Variants in DCT observed in about 807,000 individuals in gnomAD.
DCT encodes dopachrome tautomerase, also known as L-dopachrome tautomerase.
In DCT, 47 loss-of-function variants were observed where a neutral mutation model predicts 53.0. The observed-to-expected ratio is 0.89, with a 90% CI of 0.70 to 1.13. DCT has a LOEUF of 1.13. Among genes scored for constraint, DCT ranks in the 50% most tolerant of loss-of-function variants. The probability of loss-of-function intolerance (pLI) is 0.00; values close to 1 mark genes in which losing one functional copy is unlikely to be tolerated. For synonymous variants in DCT, 244 were observed against 237.0 expected, an observed-to-expected ratio of 1.03 and a Z score of -0.27; for missense variants, 669 against 637.4, an observed-to-expected ratio of 1.05 and a Z score of -0.53.
the DCT span, among the ~76,000 whole-genome samples, chr13:94,515,909 C>A: frequency 6.6e-6 from 1 of 152,242 alleles, no homozygotes; most frequent in Non-Finnish European, 1.5e-5. Flanking sequence ...ACTAGAAGGA[C>A]AGATTTGAAA....
the DCT span, among the ~76,000 whole-genome samples, chr13:94,526,645 G>A: frequency 3.3e-5 from 5 of 152,088 alleles, no homozygotes; most frequent in Non-Finnish European, 7.4e-5. Flanking sequence ...TAAATAAATA[G>A]GGGTGATTCC....
the DCT span, among the ~76,000 whole-genome samples, chr13:94,498,523 C>T: frequency 3.3e-5 from 5 of 152,182 alleles, no homozygotes; most frequent in Non-Finnish European, 7.3e-5. Context: ...CCTCTATAAA[C>T]CAGGAAGAGG....
the DCT span, among the ~76,000 whole-genome samples, chr13:94,537,561 T>C: frequency 6.6e-6 from 1 of 152,226 alleles, no homozygotes; most frequent in Admixed American, 6.5e-5. Context: ...TACAGCTTCC[T>C]GCTCTCCTGT....
the DCT span, among the ~76,000 whole-genome samples, chr13:94,497,679 C>T: frequency 6.6e-6 from 1 of 152,112 alleles, no homozygotes; most frequent in South Asian, 2.1e-4. Context: ...CTCATCTTTG[C>T]ATTGAGTAGG....
chr13:94,478,661 C>T (rs185872686), intron 1 of DCT, among the ~76,000 whole-genome samples: 12 of 152,354 alleles, frequency 7.9e-5, no homozygotes, highest in East Asian at 1.9e-4. Flanking sequence ...TCAAAGCTGA[C>T]GCTTTTAAGC....
the DCT span, among the ~76,000 whole-genome samples, chr13:94,496,487 C>T: frequency 6.6e-6 from 1 of 152,176 alleles, no homozygotes; most frequent in Non-Finnish European, 1.5e-5. Flanking sequence ...AGCCACCGCA[C>T]CCGGCCGGAT....
intron 1 of DCT, among the ~76,000 whole-genome samples, chr13:94,476,189 T>A: frequency 6.9e-6 from 1 of 143,910 alleles, no homozygotes; most frequent in South Asian, 2.2e-4. Flanking sequence ...TCTTTTTTTT[T>A]TTTTTTTTTT....
the DCT span, among the ~76,000 whole-genome samples, chr13:94,507,476 T>G: frequency 4.0e-5 from 6 of 151,468 alleles, no homozygotes; most frequent in African/African-American, 1.2e-4. Context: ...TGAACAACAG[T>G]TGGAGTTTGC....
In DCT at chr13:94,478,165, C is replaced by T. The variant is rs1464347390; in HGVS notation, c.295+796G>A. ...ATAACAACCCCCCGCCCGCCCCCCC[C>T]ACCCCCAGCTCCTCGAGAAAGCTCT... On this transcript the variant is annotated intron_variant, in intron 1 of 7. Transcript: ENST00000377028. Among the ~76,000 whole-genome samples, 55 of 138,238 alleles carry T rather than the reference C, an allele frequency of 4.0e-4. 1 individual carries two copies. Among genetic ancestry groups the T allele is most frequent in the South Asian group, 1.7e-3 (6 of 3,548 alleles). The allele number at this position is 138,238 out of a possible 152,430, so 90.7% of individuals were successfully genotyped here.
rs1473906482 is a variant in DCT, at chr13:94,452,843, G to A, written c.1179+7248C>T. On this transcript the variant is annotated intron_variant, in intron 6 of 7. Transcript: ENST00000377028. ...AAAGTGGGGGAAAGGCAAAGGGACA[G>A]AGGGGTCTATAATATGCTACCATGT... Among the ~76,000 whole-genome samples, 3 of 152,132 alleles carry A rather than the reference G, an allele frequency of 2.0e-5. No individual in the cohort carries two copies. In the South Asian group the frequency reaches 6.2e-4, roughly 31 times the overall value.
chr13:94,465,690 T>A lies in DCT; in HGVS notation c.806A>T (p.Asp269Val). The A allele has an allele frequency of 1.9e-6, 3 of 1,613,570 alleles. No homozygotes were observed. The highest frequency in any genetic ancestry group is 2.5e-6 in the Non-Finnish European group (3 of 1,179,908). Residue 269 changes from aspartate to valine, a missense_variant, in exon 4 of 8, where the codon GAT becomes GTT. Coordinates refer to ENST00000377028, the MANE Select transcript of DCT (RefSeq NM_001922.5). Reference protein sequence around the residue: ...DQLFGAARPDDPTLISRNSRF... With the variant: ...DQLFGAARPDVPTLISRNSRF... ...TGAGTTCCGACTAATCAGAGTCGGA[T>A]CGTCTGGTCTCGCTGCCCCAAACAG...
chr13:94,442,985 C>A (rs1274653392), intron 7 of DCT, among the ~76,000 whole-genome samples: 1 of 152,162 alleles, frequency 6.6e-6, no homozygotes, highest in Non-Finnish European at 1.5e-5. Flanking sequence ...GTGCTCAAGG[C>A]AAATGTTGTA....
Position 94,470,236 on chromosome 13 carries a change from G to A in DCT, c.296-1191C>T, listed in dbSNP as rs562189795. On this transcript the variant is annotated intron_variant, in intron 1 of 7. Transcript: ENST00000377028. The stretch of plus-strand genomic sequence containing the variant: ...TTGACAGCATTAAGACAAAATCAAC[G>A]GAAGCTGTCAAGTCCTCAGGGTGAA... Among the ~76,000 whole-genome samples the A allele has an allele frequency of 3.3e-5, 5 of 152,232 alleles. No homozygotes were observed. The South Asian group carries it at 6.2e-4, about 19-fold the overall frequency.
chr13:94,540,327 A>G, the DCT span, among the ~76,000 whole-genome samples: 1 of 152,216 alleles, frequency 6.6e-6, no homozygotes, highest in Non-Finnish European at 1.5e-5. Context: ...GTGTTAGAAA[A>G]ACATATTCCT....
At chr13:94,520,712 A>G in the DCT span, among the ~76,000 whole-genome samples, 1 of 152,150 alleles carries the variant, frequency 6.6e-6, no homozygotes, top group Non-Finnish European at 1.5e-5. Flanking sequence ...TGGGTAGAGA[A>G]AAAAAAGGAC....
At chr13:94,514,641 C>T in the DCT span, among the ~76,000 whole-genome samples, 2 of 152,226 alleles carry the variant, frequency 1.3e-5, no homozygotes, top group African/African-American at 4.8e-5. Context: ...GCAAAGGGAC[C>T]AGCAGGAAGA....
the DCT span, among the ~76,000 whole-genome samples, chr13:94,500,358 T>G: frequency 1.3e-5 from 2 of 152,178 alleles, no homozygotes; most frequent in Non-Finnish European, 2.9e-5. Flanking sequence ...GGGAGCCCCT[T>G]AGAAAATCAT....
At chr13:94,493,586 A>AT in the DCT span, among the ~76,000 whole-genome samples, 1 of 152,258 alleles carries the variant, frequency 6.6e-6, no homozygotes, top group African/African-American at 2.4e-5. Context: ...CAGTCAAGTT[A>AT]TGGTGACATG....
At chr13:94,468,330 A>C (rs546889402) in intron 2 of DCT, 4 of 181,088 alleles carry the variant, frequency 2.2e-5, no homozygotes, top group South Asian at 1.2e-4. Context: ...CCGCACAAAG[A>C]AGCTTCATGT....
Sources: gnomAD v4.1 joint callset for allele counts (sites outside exome capture counted in the v4.1 genomes callset) on GRCh38, gnomAD v4.1.1 for gene constraint, MANE v1.5 for transcripts, NCBI Gene and HGNC (gene_info 2026-07-23, HGNC 2026-07-21) for gene names.